ZBTB7C: variants seen among roughly 807,000 people sequenced by gnomAD.
ZBTB7C encodes zinc finger and BTB domain-containing protein 7C.
ZBTB7C carries 8 observed loss-of-function variants against 25.7 expected under a neutral mutation model. The ratio of observed to expected loss-of-function variants is 0.31; its 90% CI spans 0.18 to 0.56. The LOEUF (loss-of-function observed/expected upper bound fraction) is 0.56. Among genes scored for constraint, ZBTB7C ranks in the 20% least tolerant of loss-of-function variants. The pLI, the probability that ZBTB7C is intolerant of heterozygous loss-of-function variation, is 0.91. For missense variants in ZBTB7C, 824 were observed against 855.2 expected (o/e 0.96, Z 0.46); for synonymous variants, 394 against 369.0 (o/e 1.07, Z -0.78).
At chr18:48,178,669 G>A (rs2041769678) in intron 3 of ZBTB7C, among the ~76,000 whole-genome samples, 1 of 152,186 alleles carries the variant, frequency 6.6e-6, no homozygotes, top group African/African-American at 2.4e-5. Context: ...ATTAGCTGAT[G>A]CCTGTCGCAT....
intron 2 of ZBTB7C, among the ~76,000 whole-genome samples, chr18:48,323,669 A>G (rs1219273003): frequency 6.6e-6 from 1 of 152,172 alleles, no homozygotes; most frequent in African/African-American, 2.4e-5. Flanking sequence ...CCTTTAGGAC[A>G]CAGCTTGCTC....
At chr18:48,396,408 A>G (rs1221756114) in intron 1 of ZBTB7C, among the ~76,000 whole-genome samples, 1 of 152,224 alleles carries the variant, frequency 6.6e-6, no homozygotes, top group African/African-American at 2.4e-5. Flanking sequence ...CAAGACAAGA[A>G]GCCTGACATG....
chr18:48,125,570 A>C (rs986635689), intron 3 of ZBTB7C, among the ~76,000 whole-genome samples: 5 of 152,222 alleles, frequency 3.3e-5, no homozygotes, highest in Admixed American at 3.3e-4. Flanking sequence ...AGACAGGGGA[A>C]GGATAACAGA....
intron 3 of ZBTB7C, among the ~76,000 whole-genome samples, chr18:48,074,549 C>G (rs78095491): frequency 6.6e-6 from 1 of 152,230 alleles, no homozygotes; most frequent in African/African-American, 2.4e-5. Flanking sequence ...CAGAACCGCA[C>G]AGCCCTGTGT....
At chr18:48,320,460 G>A (rs1185054540) in intron 2 of ZBTB7C, among the ~76,000 whole-genome samples, 1 of 152,186 alleles carries the variant, frequency 6.6e-6, no homozygotes, top group Non-Finnish European at 1.5e-5. Context: ...GGAGAACTGG[G>A]GGCAGAGGCT....
intron 2 of ZBTB7C, among the ~76,000 whole-genome samples, chr18:48,221,394 T>C (rs779081286): frequency 1.5e-5 from 2 of 135,734 alleles, no homozygotes; most frequent in South Asian, 2.2e-4. Context: ...TAGTCTCCTC[T>C]ACACTGTCCT....
intron 3 of ZBTB7C, among the ~76,000 whole-genome samples, chr18:48,051,779 G>T (rs1414075512): frequency 1.3e-5 from 2 of 152,190 alleles, no homozygotes; most frequent in Non-Finnish European, 2.9e-5. Context: ...GTCAAGAGCT[G>T]GCGGGACACA....
At chr18:48,255,627 G>C (rs1015609008) in intron 2 of ZBTB7C, among the ~76,000 whole-genome samples, 19 of 149,080 alleles carry the variant, frequency 1.3e-4, no homozygotes, top group Non-Finnish European at 1.5e-5. Flanking sequence ...ATCTTTACAA[G>C]AAAAGTAACT....
At chr18:48,078,919 C>T (rs2144465098) in intron 3 of ZBTB7C, among the ~76,000 whole-genome samples, 1 of 152,192 alleles carries the variant, frequency 6.6e-6, no homozygotes, top group African/African-American at 2.4e-5. Context: ...CCACTGAATG[C>T]ATATATCACA....
At chr18:48,203,583 G>T (rs1156982491) in intron 2 of ZBTB7C, 4 of 152,204 alleles carry the variant, frequency 2.6e-5, no homozygotes, top group African/African-American at 4.8e-5. Flanking sequence ...CTGCCTTCAG[G>T]TTGCTTCATT....
chr18:48,102,281 C>T (rs936921212), intron 3 of ZBTB7C, among the ~76,000 whole-genome samples: 6 of 152,146 alleles, frequency 3.9e-5, no homozygotes, highest in African/African-American at 1.2e-4. Context: ...GCTAACCTAA[C>T]GGCAGGGTGC....
intron 2 of ZBTB7C, among the ~76,000 whole-genome samples, chr18:48,199,264 T>C (rs1696369838): frequency 6.6e-6 from 1 of 152,238 alleles, no homozygotes. Flanking sequence ...ACTTCTCTGA[T>C]ACTTTCCTCT....
chr18:48,365,572 A>T (rs952822658), intron 1 of ZBTB7C, among the ~76,000 whole-genome samples: 3 of 152,124 alleles, frequency 2.0e-5, no homozygotes, highest in African/African-American at 7.2e-5. Flanking sequence ...GAGAATAGAA[A>T]AGTGGATCCT....
intron 2 of ZBTB7C, among the ~76,000 whole-genome samples, chr18:48,292,641 G>A (rs1454476472): frequency 6.6e-6 from 1 of 152,152 alleles, no homozygotes; most frequent in African/African-American, 2.4e-5. Flanking sequence ...TGGAGAAGGA[G>A]GCAGAAACTG....
At chr18:48,300,198 C>T (rs935137086) in intron 2 of ZBTB7C, among the ~76,000 whole-genome samples, 1 of 152,142 alleles carries the variant, frequency 6.6e-6, no homozygotes, top group Admixed American at 6.5e-5. Context: ...ATCAGACTCC[C>T]TCGGGGTGGG....
chr18:48,050,805 G>C (rs1213759806), intron 3 of ZBTB7C, among the ~76,000 whole-genome samples: 2 of 152,070 alleles, frequency 1.3e-5, no homozygotes, highest in African/African-American at 4.8e-5. Context: ...TCAAGTCTCT[G>C]CTTCATGGTT....
At chr18:48,065,714 C>T (rs979799770) in intron 3 of ZBTB7C, among the ~76,000 whole-genome samples, 3 of 152,182 alleles carry the variant, frequency 2.0e-5, no homozygotes, top group African/African-American at 4.8e-5. Flanking sequence ...CCTGACCTCT[C>T]GCCCTGGCTC....
chr18:48,293,687 G>A (rs2045302308), intron 2 of ZBTB7C, among the ~76,000 whole-genome samples: 1 of 151,630 alleles, frequency 6.6e-6, no homozygotes, highest in Non-Finnish European at 1.5e-5. Context: ...ATGGGGGTAA[G>A]AGAATCCTCT....
At chr18:48,375,605 A>G (rs1165784899) in intron 1 of ZBTB7C, 1 of 152,264 alleles carries the variant, frequency 6.6e-6, no homozygotes, top group Non-Finnish European at 1.5e-5. Context: ...ATACACACAC[A>G]CACAGCAATT....
Sources: gnomAD v4.1 joint callset for allele counts (sites outside exome capture counted in the v4.1 genomes callset) on GRCh38, gnomAD v4.1.1 for gene constraint, MANE v1.5 for transcripts, NCBI Gene and HGNC (gene_info 2026-07-23, HGNC 2026-07-21) for gene names.